Variants in SPAG16 observed in about 807,000 individuals in gnomAD.
The protein encoded by SPAG16 is sperm associated antigen 16, also known as sperm-associated antigen 16 protein.
SPAG16 carries 86 observed loss-of-function variants against 80.4 expected under a neutral mutation model. The ratio of observed to expected loss-of-function variants is 1.07; its 90% CI spans 0.90 to 1.28. The LOEUF is 1.28. SPAG16 is among the 50% of genes most tolerant of loss of function. The pLI is 0.00. For missense variants in SPAG16, 870 were observed against 765.3 expected (o/e 1.14, Z -1.61); for synonymous variants, 294 against 265.9 (o/e 1.11, Z -1.03).
chr2:214,043,228 C>T (rs905668665), intron 13 of SPAG16, among the ~76,000 whole-genome samples: 4 of 151,948 alleles, frequency 2.6e-5, no homozygotes, highest in Non-Finnish European at 2.9e-5. Context: ...ATAAATCTAA[C>T]ACTAGTATAG....
chr2:213,677,570 A>C (rs1315147716), intron 10 of SPAG16, among the ~76,000 whole-genome samples: 2 of 152,150 alleles, frequency 1.3e-5, no homozygotes, highest in South Asian at 4.1e-4. Context: ...AGAGCTAACT[A>C]TCCTAAATAT....
intron 9 of SPAG16, among the ~76,000 whole-genome samples, chr2:213,406,926 G>T (rs531540036): frequency 7.3e-6 from 1 of 136,938 alleles, no homozygotes; most frequent in African/African-American, 2.9e-5. Context: ...AGCTCTCAGC[G>T]ACGCGGATTT....
rs180865170 is a variant in SPAG16 at position 214,369,854 on chromosome 2, C to A, written c.1721-40286C>A. Among the ~76,000 whole-genome samples the A allele has an allele frequency of 1.6e-4, 24 of 152,146 alleles. 1 individual carries two copies. In the East Asian group the frequency reaches 4.3e-3, roughly 27 times the overall value. ...TAAGATGATATTCTATCAATGATTT[C>A]TTCTCTGGCATTAATAATCTCTCAC... On this transcript the variant is annotated intron_variant, in intron 15 of 15. Transcript: ENST00000331683.
rs1029264486 is a variant in SPAG16, at chr2:214,258,542, G to T, written c.1720+109276G>T. ...ATCACATTTTCCCCATTCATTTGTT[G>T]GTTGATGGGCATTTCAACTAGTTTC... On this transcript the variant is annotated intron_variant, in intron 15 of 15. Coordinates refer to ENST00000331683, the MANE Select transcript of SPAG16 (RefSeq NM_024532.5). Among the ~76,000 whole-genome samples the T allele has an allele frequency of 4.0e-5, 6 of 149,518 alleles. No homozygotes were observed. The Admixed American group carries it at 4.0e-4, about 10-fold the overall frequency.
At chr2:214,010,554 G>A (rs1200009968) in intron 12 of SPAG16, among the ~76,000 whole-genome samples, 2 of 146,632 alleles carry the variant, frequency 1.4e-5, no homozygotes, top group Non-Finnish European at 3.0e-5. Flanking sequence ...CCCCAAAGAA[G>A]GTTGGATGGG....
intron 10 of SPAG16, among the ~76,000 whole-genome samples, chr2:213,657,860 G>T (rs1039320120): frequency 6.6e-6 from 1 of 152,048 alleles, no homozygotes; most frequent in African/African-American, 2.4e-5. Context: ...ATTAGTAGAG[G>T]TTTTCATTTT....
intron 10 of SPAG16, among the ~76,000 whole-genome samples, chr2:213,557,580 G>T (rs1350074432): frequency 1.3e-5 from 2 of 151,896 alleles, no homozygotes; most frequent in Non-Finnish European, 2.9e-5. Context: ...AGTTATAAAT[G>T]GTAAAATAAA....
At chr2:214,119,059 A>G (rs892016355) in intron 14 of SPAG16, among the ~76,000 whole-genome samples, 9 of 152,008 alleles carry the variant, frequency 5.9e-5, no homozygotes, top group Admixed American at 2.0e-4. Context: ...CAATGTACCC[A>G]TGTATCAAAA....
rs192543635 is a variant in SPAG16 at position 214,311,297 on chromosome 2, C to T, written c.1721-98843C>T. ...TGGACCTCTGTAGTTGCCAAAGTCA[C>T]CGTGGGTTTTGAGGTTCCCTGGGTA... On this transcript the variant is annotated intron_variant, in intron 15 of 15. Coordinates refer to ENST00000331683, the MANE Select transcript of SPAG16 (RefSeq NM_024532.5). Among the ~76,000 whole-genome samples the T allele has an allele frequency of 5.9e-5, 9 of 152,256 alleles. No individual in the cohort carries two copies. In the East Asian group the frequency reaches 1.7e-3, roughly 29 times the overall value.
chr2:214,378,663 T>C (rs965127910), intron 15 of SPAG16, among the ~76,000 whole-genome samples: 52 of 152,288 alleles, frequency 3.4e-4, no homozygotes, highest in Middle Eastern at 3.4e-3. Flanking sequence ...GGCCCATGCC[T>C]GAACAAAATC....
At chr2:213,841,425 C>CT (rs919764857) in intron 10 of SPAG16, among the ~76,000 whole-genome samples, 1 of 151,944 alleles carries the variant, frequency 6.6e-6, no homozygotes, top group African/African-American at 2.4e-5. Flanking sequence ...CTTAATGTCA[C>CT]TTTTTTTTCC....
At chr2:214,196,278 T>G (rs2125709018) in intron 15 of SPAG16, among the ~76,000 whole-genome samples, 1 of 152,182 alleles carries the variant, frequency 6.6e-6, no homozygotes, top group South Asian at 2.1e-4. Context: ...TGTGGAGCCT[T>G]GGCATCTTAA....
At chr2:213,761,902 A>C (rs546152438) in intron 10 of SPAG16, among the ~76,000 whole-genome samples, 8 of 149,514 alleles carry the variant, frequency 5.4e-5, no homozygotes, top group South Asian at 2.1e-4. Flanking sequence ...CAAAACAAAA[A>C]AAAACCCTAC....
chr2:214,165,973 A>G lies in SPAG16; in HGVS notation c.1720+16707A>G, dbSNP rs570453728. On this transcript the variant is annotated intron_variant, in intron 15 of 15. Coordinates refer to ENST00000331683, the MANE Select transcript of SPAG16 (RefSeq NM_024532.5). Reference sequence around the variant, plus strand: ...ATTCAAAAAGACATCTCTAGACACCAATCAGGAAAAGATAATCACTGAAGA... The same window carrying G: ...ATTCAAAAAGACATCTCTAGACACCGATCAGGAAAAGATAATCACTGAAGA... Among the ~76,000 whole-genome samples the G allele has an allele frequency of 7.9e-5, 12 of 152,168 alleles. No homozygotes were observed. In the South Asian group the frequency reaches 2.5e-3, roughly 32 times the overall value.
chr2:213,581,026 G>A (rs193026781), intron 10 of SPAG16, among the ~76,000 whole-genome samples: 2 of 151,958 alleles, frequency 1.3e-5, no homozygotes, highest in Admixed American at 1.3e-4. Flanking sequence ...CTTTTTTGAA[G>A]TTTTTTACAT....
intron 6 of SPAG16, among the ~76,000 whole-genome samples, chr2:213,349,697 C>G (rs2065218231): frequency 6.6e-6 from 1 of 151,976 alleles, no homozygotes; most frequent in Non-Finnish European, 1.5e-5. Context: ...TACATACATA[C>G]AAGGGAATAC....
intron 9 of SPAG16, among the ~76,000 whole-genome samples, chr2:213,459,545 T>G (rs1452845775): frequency 6.6e-6 from 1 of 152,228 alleles, no homozygotes; most frequent in Non-Finnish European, 1.5e-5. Context: ...ATTCCTTGTA[T>G]GTAGCCCTCA....
At chr2:214,173,309 T>C (rs1427386726) in intron 15 of SPAG16, among the ~76,000 whole-genome samples, 2 of 152,116 alleles carry the variant, frequency 1.3e-5, no homozygotes, top group Non-Finnish European at 2.9e-5. Context: ...TTCAGCTTTC[T>C]ACATATGGCT....
chr2:214,265,239 T>C (rs1317546390), intron 15 of SPAG16, among the ~76,000 whole-genome samples: 1 of 152,144 alleles, frequency 6.6e-6, no homozygotes, highest in Non-Finnish European at 1.5e-5. Flanking sequence ...TTTGAGTTCC[T>C]GTTGGCTCCA....
Sources: gnomAD v4.1 joint callset for allele counts (sites outside exome capture counted in the v4.1 genomes callset) on GRCh38, gnomAD v4.1.1 for gene constraint, MANE v1.5 for transcripts, NCBI Gene and HGNC (gene_info 2026-07-23, HGNC 2026-07-21) for gene names.